The following PTPRS variants were observed in gnomAD, a reference collection of about 807,000 sequenced individuals.
PTPRS encodes the protein receptor-type tyrosine-protein phosphatase S.
In PTPRS, 63 loss-of-function variants were observed where a neutral mutation model predicts 215.3. The observed-to-expected ratio is 0.29, with a 90% CI of 0.24 to 0.36. The LOEUF (loss-of-function observed/expected upper bound fraction) is 0.36. Among genes scored for constraint, PTPRS ranks in the 10% least tolerant of loss-of-function variants. PTPRS has a pLI of 1.00. For missense variants in PTPRS, 2,258 were observed against 2,825.8 expected, an observed-to-expected ratio of 0.80 and a Z score of 4.56; for synonymous variants, 1,404 against 1,191.4, an observed-to-expected ratio of 1.18 and a Z score of -3.68.
chr19:5,298,700 C>T (rs2049216056), intron 1 of PTPRS, among the ~76,000 whole-genome samples: 1 of 152,244 alleles, frequency 6.6e-6, no homozygotes, highest in Non-Finnish European at 1.5e-5. Context: ...GGCATGATGC[C>T]CACCACAGGC....
intron 2 of PTPRS, chr19:5,278,215 G>A (rs1250454802): frequency 2.6e-6 from 1 of 378,560 alleles, no homozygotes; most frequent in Non-Finnish European, 5.0e-6. Context: ...TGGGGGGTGG[G>A]GGAAAGGATG....
intron 1 of PTPRS, among the ~76,000 whole-genome samples, 195 bp downstream of exon 1, chr19:5,340,469 G>C (rs996010214): frequency 6.6e-6 from 1 of 150,384 alleles, no homozygotes; most frequent in South Asian, 2.1e-4. Flanking sequence ...GGCATTGTCC[G>C]GGCGCAGCTA....
chr19:5,229,896 A>C (rs2042875338), intron 14 of PTPRS, among the ~76,000 whole-genome samples: 2 of 135,008 alleles, frequency 1.5e-5, no homozygotes, highest in Admixed American at 7.3e-5. Context: ...CGCCCCATGG[A>C]TCCAGGCTGC....
In PTPRS at chr19:5,306,466, T is replaced by C. The variant is rs377227899; in HGVS notation, c.-94-20232A>G. ...GGCCCAGGGTGATTTTTTTTTTGTA[T>C]GTGAAAATGATATTCTGTTCGAATC... On this transcript the variant is annotated intron_variant, in intron 1 of 37. Coordinates refer to ENST00000262963, the MANE Select transcript of PTPRS (RefSeq NM_002850.4). Among the ~76,000 whole-genome samples the C allele has an allele frequency of 5.1e-4, 78 of 152,130 alleles. 1 individual carries two copies. The East Asian group carries it at 0.011, about 22-fold the overall frequency.
chr19:5,216,639 A>G, intron 26 of PTPRS, 81 bp downstream of exon 26: 3 of 1,186,238 alleles, frequency 2.5e-6, no homozygotes, highest in Non-Finnish European at 3.7e-6. Context: ...GGACAGAGAC[A>G]GGAGACACGA....
At chr19:5,291,517 C>T (rs762708315) in intron 1 of PTPRS, among the ~76,000 whole-genome samples, 1 of 152,114 alleles carries the variant, frequency 6.6e-6, no homozygotes. Flanking sequence ...TCTGCTCACA[C>T]ACCCACGGGG....
At chr19:5,267,709 G>A (rs998180519) in intron 4 of PTPRS, among the ~76,000 whole-genome samples, 2 of 147,876 alleles carry the variant, frequency 1.4e-5, no homozygotes, top group Admixed American at 6.7e-5. Context: ...ACTAATAACC[G>A]TGCCCCCCCG....
intron 17 of PTPRS, among the ~76,000 whole-genome samples, chr19:5,224,294 C>T (rs1368742412): frequency 6.6e-6 from 1 of 152,124 alleles, no homozygotes; most frequent in African/African-American, 2.4e-5. Flanking sequence ...AGGGAACGGC[C>T]CATGCAAAGG....
At chr19:5,322,484 G>C (rs1038534721) in intron 1 of PTPRS, among the ~76,000 whole-genome samples, 1 of 152,050 alleles carries the variant, frequency 6.6e-6, no homozygotes, top group African/African-American at 2.4e-5. Context: ...CGCGGGGACC[G>C]ACTCGAGCCC....
At chr19:5,292,742 G>T (rs1340131084) in intron 1 of PTPRS, 9 of 152,420 alleles carry the variant, frequency 5.9e-5, no homozygotes, top group African/African-American at 2.2e-4. Flanking sequence ...TGCCCCCTCT[G>T]CGGTCCTGTT....
chr19:5,257,279 C>A lies in PTPRS; in HGVS notation c.706+738G>T, dbSNP rs183686217. ...GGGAGGTGCTGGGGCGAGGCCCCCA[C>A]GCTGCTGGGCATGACTGAGTGGGAA... On this transcript the variant is annotated intron_variant, in intron 8 of 37. Coordinates refer to ENST00000262963, the MANE Select transcript of PTPRS (RefSeq NM_002850.4). The surrounding 1 kb of genome is among the most constrained non-coding windows in gnomAD (Gnocchi z 4.4). 16 of 370,088 alleles carry A rather than the reference C, an allele frequency of 4.3e-5. No homozygotes were observed. The highest frequency in any genetic ancestry group is 3.0e-4 in the African/African-American group (14 of 47,326). The allele number at this position is 370,088 out of a possible 1,614,324, so 22.9% of individuals were successfully genotyped here. A position where few individuals can be genotyped will look rare whatever the true frequency, so the allele number is the denominator to read the frequency against.
intron 14 of PTPRS, among the ~76,000 whole-genome samples, chr19:5,230,009 G>A (rs2042888913): frequency 6.6e-6 from 1 of 152,010 alleles, no homozygotes; most frequent in Admixed American, 6.6e-5. Flanking sequence ...AGGGTCTCCT[G>A]TCATTCTCAT....
chr19:5,316,826 G>A (rs2049889792), intron 1 of PTPRS, among the ~76,000 whole-genome samples: 1 of 152,126 alleles, frequency 6.6e-6, no homozygotes, highest in Admixed American at 6.6e-5. Flanking sequence ...ACCACACCCG[G>A]CTGTGATTTG....
intron 1 of PTPRS, among the ~76,000 whole-genome samples, chr19:5,312,518 A>G (rs1426615978): frequency 1.3e-5 from 2 of 151,820 alleles, no homozygotes; most frequent in Non-Finnish European, 2.9e-5. Context: ...AAAATTAGCC[A>G]GGCGTGGTGG....
At chr19:5,219,790 G>T in intron 22 of PTPRS, 149 bp downstream of exon 22, 1 of 943,956 alleles carries the variant, frequency 1.1e-6, no homozygotes, top group Non-Finnish European at 1.6e-6. Context: ...TTCGTTTCAG[G>T]ATCCCTCCGC....
intron 9 of PTPRS, among the ~76,000 whole-genome samples, chr19:5,249,959 T>G (rs147230797): frequency 4.6e-4 from 70 of 152,334 alleles, no homozygotes; most frequent in African/African-American, 1.7e-3. Flanking sequence ...CAAGGTACCT[T>G]TAACTTTTTT....
chr19:5,267,978 G>C (rs2046566240), intron 4 of PTPRS, among the ~76,000 whole-genome samples: 3 of 152,114 alleles, frequency 2.0e-5, no homozygotes, highest in South Asian at 2.1e-4. Context: ...GACCATCCTG[G>C]TGAACATGGT....
chr19:5,283,526 G>A (rs977799809), intron 2 of PTPRS, among the ~76,000 whole-genome samples: 11 of 151,908 alleles, frequency 7.2e-5, no homozygotes, highest in Admixed American at 1.3e-4. Flanking sequence ...GCAGTGAGCC[G>A]AGATCGCACC....
At chr19:5,251,226 G>A (rs1044678405) in intron 9 of PTPRS, among the ~76,000 whole-genome samples, 1 of 151,958 alleles carries the variant, frequency 6.6e-6, no homozygotes, top group Non-Finnish European at 1.5e-5. Context: ...GCCCACCTGC[G>A]TATTTTCTGC....
Sources: gnomAD v4.1 joint callset for allele counts (sites outside exome capture counted in the v4.1 genomes callset) on GRCh38, gnomAD v4.1.1 for gene constraint, Gnocchi (gnomAD v3.1) non-coding constraint, MANE v1.5 for transcripts, NCBI Gene and HGNC (gene_info 2026-07-23, HGNC 2026-07-21) for gene names.